The following ZNF146 variants were observed in gnomAD, a reference collection of about 807,000 sequenced individuals.
ZNF146 encodes the protein zinc finger protein 146.
ZNF146 carries 9 observed loss-of-function variants against 22.2 expected under a neutral mutation model. That is an observed-to-expected ratio of 0.41 (90% CI 0.24 to 0.71). ZNF146 has a LOEUF of 0.71. Ranked by LOEUF, ZNF146 falls within the 30% of genes least tolerant of loss-of-function variation. The probability of loss-of-function intolerance (pLI) is 0.34; values close to 1 mark genes in which losing one functional copy is unlikely to be tolerated. For missense variants in ZNF146, 194 were observed against 344.8 expected (o/e 0.56, Z 3.46); for synonymous variants, 108 against 119.2 (o/e 0.91, Z 0.61).
At position 36,236,530 on chromosome 19, in the gene ZNF146, C is replaced by G; in HGVS notation, c.90C>G (p.Asn30Lys). Residue 30 changes from asparagine (N) to lysine (K), a missense_variant, in exon 4 of 4, where the codon AAC becomes AAG. Around this residue, in one of 2 missense-constraint regions of ZNF146, gnomAD observed 47 missense variants for 44.7 expected, o/e 1.05. Coordinates refer to ENST00000443387, the MANE Select transcript of ZNF146 (RefSeq NM_007145.3). Reference sequence around the variant, plus strand: ...GAAAAGTCTTCAGCCACAAATCAAACCTCACTGAGCATGAGCATTTTCACA... The same window carrying G: ...GAAAAGTCTTCAGCCACAAATCAAAGCTCACTGAGCATGAGCATTTTCACA... ...VCGKVFSHKSNLTEHEHFHTR... is the reference protein window; with the variant it reads ...VCGKVFSHKSKLTEHEHFHTR... 6.2e-7 allele frequency: 1 copy of G among 1,614,170 alleles called. No homozygotes were observed. The highest frequency in any genetic ancestry group is 8.5e-7 in the Non-Finnish European group (1 of 1,180,020).
intron 2 of ZNF146, among the ~76,000 whole-genome samples, chr19:36,222,311 G>C (rs1424561414): frequency 2.0e-5 from 3 of 152,146 alleles, no homozygotes; most frequent in Non-Finnish European, 2.9e-5. Flanking sequence ...GATGCACCAT[G>C]GTTGATTCAG....
At chr19:36,217,891 A>G (rs1319263358) in intron 1 of ZNF146, among the ~76,000 whole-genome samples, 1 of 152,072 alleles carries the variant, frequency 6.6e-6, no homozygotes, top group East Asian at 1.9e-4. Context: ...ATCTCAAAAA[A>G]AAAAAAAAAA....
At chr19:36,234,558 C>T (rs1016797565) in intron 3 of ZNF146, among the ~76,000 whole-genome samples, 11 of 152,232 alleles carry the variant, frequency 7.2e-5, no homozygotes, top group African/African-American at 2.2e-4. Context: ...CCACCACGCC[C>T]GGCTAATTTT....
intron 2 of ZNF146, among the ~76,000 whole-genome samples, chr19:36,222,744 T>C (rs913231644): frequency 6.7e-6 from 1 of 149,106 alleles, no homozygotes; most frequent in African/African-American, 2.4e-5. Flanking sequence ...GTTTATAAAT[T>C]AGAAAGGTTA....
chr19:36,224,347 A>C (rs971677218), intron 2 of ZNF146, among the ~76,000 whole-genome samples: 2 of 152,200 alleles, frequency 1.3e-5, no homozygotes, highest in South Asian at 4.1e-4. Context: ...GTGCCACTGC[A>C]CTGCAGCCTG....
intron 3 of ZNF146, among the ~76,000 whole-genome samples, chr19:36,232,772 C>G (rs1396757274): frequency 6.6e-6 from 1 of 151,974 alleles, no homozygotes; most frequent in African/African-American, 2.4e-5. Context: ...CCACATCCAG[C>G]TAATTTTTTG....
Position 36,238,131 on chromosome 19 carries a change from T to TA in ZNF146, c.*813dup, listed in dbSNP as rs1977712233. 6.0e-6 allele frequency: 1 copy of TA among 167,116 alleles called. No homozygotes were observed. 10.4% of individuals were successfully genotyped at this position (167,116 alleles called of 1,614,324 possible). ...AACAATATGGGAAATTCTTATGTAATACTATATATCTGTAAAATGCAACAA... is the reference window on the plus strand; with the variant it reads ...AACAATATGGGAAATTCTTATGTAATAACTATATATCTGTAAAATGCAACAA... On this transcript the variant is annotated 3_prime_UTR_variant, in exon 4 of 4. Coordinates refer to ENST00000443387, the MANE Select transcript of ZNF146 (RefSeq NM_007145.3).
At chr19:36,227,379 G>C (rs909547404) in intron 2 of ZNF146, among the ~76,000 whole-genome samples, 4 of 144,550 alleles carry the variant, frequency 2.8e-5, no homozygotes, top group Non-Finnish European at 6.0e-5. Flanking sequence ...AACAGAACGA[G>C]TCTCTGTCAC....
At chr19:36,218,824 G>T (rs181967489) in intron 2 of ZNF146, among the ~76,000 whole-genome samples, 18 of 140,936 alleles carry the variant, frequency 1.3e-4, no homozygotes, top group South Asian at 1.1e-3. Context: ...TTTGGTGGAG[G>T]GGGGGACAGA....
In ZNF146 at chr19:36,234,639, C is replaced by T. The variant is rs56262158; in HGVS notation, c.-782-1020C>T. On this transcript the variant is annotated intron_variant, in intron 3 of 3. Coordinates refer to ENST00000443387, the MANE Select transcript of ZNF146 (RefSeq NM_007145.3). ...GTCTTGATCTCCTGACCTCGTGATC[C>T]GCCCACCTCGGCCTCCCAACGTGCT... is the stretch of plus-strand genomic sequence containing the variant. Among the ~76,000 whole-genome samples the T allele has an allele frequency of 4.9e-3, 747 of 152,262 alleles. 7 individuals carry two copies. Among genetic ancestry groups the T allele is most frequent in the African/African-American group, 0.017 (715 of 41,550 alleles).
intron 1 of ZNF146, among the ~76,000 whole-genome samples, chr19:36,215,706 G>A (rs1209697462): frequency 6.6e-6 from 1 of 151,480 alleles, no homozygotes; most frequent in African/African-American, 2.4e-5. Context: ...CTTTAGTTTC[G>A]GGGTGCCTAC....
At chr19:36,228,174 A>AAG (rs61330060) in intron 2 of ZNF146, among the ~76,000 whole-genome samples, 2,618 of 144,282 alleles carry the variant, frequency 0.018, 31 homozygotes, top group African/African-American at 0.036. Context: ...AAAAAAAAAA[A>AAG]AAAGAAAGAA....
chr19:36,230,233 C>T (rs895587765), intron 3 of ZNF146, among the ~76,000 whole-genome samples: 4 of 152,008 alleles, frequency 2.6e-5, no homozygotes, highest in African/African-American at 9.7e-5. Flanking sequence ...AGAAGTAAAC[C>T]CATTTACGTT....
chr19:36,222,778 C>CTTTTTTTTTT (rs55668684), intron 2 of ZNF146, among the ~76,000 whole-genome samples: 1 of 100,886 alleles, frequency 9.9e-6, no homozygotes, highest in Non-Finnish European at 2.0e-5. Context: ...TGAGTGGTGG[C>CTTTTTTTTTT]TTTTTTTTTT....
intron 3 of ZNF146, among the ~76,000 whole-genome samples, chr19:36,234,669 T>G (rs1300316188): frequency 6.6e-6 from 1 of 152,198 alleles, no homozygotes; most frequent in Admixed American, 6.5e-5. Context: ...CGTGCTGGGA[T>G]TACAGGCGTG....
chr19:36,235,329 T>C (rs1264797822), intron 3 of ZNF146, among the ~76,000 whole-genome samples: 2 of 152,338 alleles, frequency 1.3e-5, no homozygotes, highest in Admixed American at 6.5e-5. Context: ...TTATACAACT[T>C]GCTAAATTCT....
intron 2 of ZNF146, among the ~76,000 whole-genome samples, chr19:36,222,143 C>T (rs1035031267): frequency 2.0e-5 from 3 of 151,998 alleles, no homozygotes; most frequent in Admixed American, 6.6e-5. Flanking sequence ...AGATTGGTCT[C>T]GAACTCCTGA....
intron 2 of ZNF146, among the ~76,000 whole-genome samples, chr19:36,219,679 G>A (rs1976754870): frequency 6.6e-6 from 1 of 152,126 alleles, no homozygotes; most frequent in African/African-American, 2.4e-5. Flanking sequence ...CAGTCATTTA[G>A]TGGATGGTTT....
chr19:36,236,910 A>G lies in ZNF146; in HGVS notation c.470A>G (p.Lys157Arg). 6.2e-7 allele frequency: 1 copy of G among 1,614,150 alleles called. No homozygotes were observed. Among genetic ancestry groups the G allele is most frequent in the East Asian group, 2.2e-5 (1 of 44,874 alleles). The change falls in exon 4 of 4, where the codon AAA (lysine) becomes AGA (arginine). Residue 157 changes from lysine (K) to arginine (R), a missense_variant. Physicochemically the swap from Lys to Arg is conservative, Grantham distance 26. Transcript: ENST00000443387. ...ATCCATATTGGAGAGAAGCCTTTTA[A>G]ATGTAGTGAATGTGGAACAGCCTTT... ...EKIHIGEKPF[K>R]CSECGTAFGQ... is the part of the protein sequence containing the mutation.
Sources: gnomAD v4.1 joint callset for allele counts (sites outside exome capture counted in the v4.1 genomes callset) on GRCh38, gnomAD v4.1.1 for gene constraint, gnomAD v4.1.1 regional missense constraint, MANE v1.5 for transcripts, NCBI Gene and HGNC (gene_info 2026-07-23, HGNC 2026-07-21) for gene names.